NLGN4X: variants seen among roughly 807,000 people sequenced by gnomAD.
NLGN4X encodes neuroligin 4 X-linked, also known as neuroligin-4, X-linked.
A neutral mutation model predicts 40.3 loss-of-function variants in NLGN4X; 3 were observed. That is an observed-to-expected ratio of 0.07 (90% CI 0.03 to 0.19). The LOEUF (loss-of-function observed/expected upper bound fraction) is 0.19. Among genes scored for constraint, NLGN4X ranks in the 10% least tolerant of loss-of-function variants. The pLI is 1.00. For missense variants in NLGN4X, 382 were observed against 708.3 expected (o/e 0.54, Z 5.23); for synonymous variants, 270 against 306.8 (o/e 0.88, Z 1.25).
intron 2 of NLGN4X, among the ~76,000 whole-genome samples, chrX:6,061,036 T>G (rs1264165315): frequency 8.9e-6 from 1 of 112,258 alleles, no homozygotes; most frequent in African/African-American, 3.2e-5. Flanking sequence ...TTGACTTGCT[T>G]TGGCAGATGA....
chrX:6,010,817 G>C (rs1344860939), intron 3 of NLGN4X, among the ~76,000 whole-genome samples: 1 of 110,889 alleles, frequency 9.0e-6, no homozygotes, highest in African/African-American at 3.3e-5. Flanking sequence ...GTGAGTCACT[G>C]TGCCCAGCCT....
intron 1 of NLGN4X, among the ~76,000 whole-genome samples, chrX:6,161,816 G>A (rs973836765): frequency 9.1e-6 from 1 of 110,464 alleles, no homozygotes; most frequent in Admixed American, 9.9e-5. Flanking sequence ...CAAATAATTA[G>A]TTTGGATATA....
chrX:6,076,129 C>A (rs1303553926), intron 2 of NLGN4X, among the ~76,000 whole-genome samples: 1 of 112,061 alleles, frequency 8.9e-6, no homozygotes, highest in Non-Finnish European at 1.9e-5. Flanking sequence ...TGCTAAATCT[C>A]TGTATAGCTC....
chrX:6,216,317 C>A (rs1029896187), intron 1 of NLGN4X, among the ~76,000 whole-genome samples: 1 of 112,297 alleles, frequency 8.9e-6, no homozygotes, highest in East Asian at 2.8e-4. Context: ...CCGGGACTAG[C>A]AAGACCAACA....
At chrX:6,095,102 CGTGTGTGTGTGTGT>C (rs56285921) in intron 2 of NLGN4X, among the ~76,000 whole-genome samples, 2,645 of 88,200 alleles carry the variant, frequency 0.03, 43 homozygotes, top group African/African-American at 0.04. Context: ...TACGTGCGTG[CGTGTGTGTGTGTGT>C]GTGTGTGTGT....
At chrX:5,923,388 G>C (rs2033149054) in intron 3 of NLGN4X, among the ~76,000 whole-genome samples, 1 of 112,636 alleles carries the variant, frequency 8.9e-6, no homozygotes, top group Non-Finnish European at 1.9e-5. Context: ...CGATCTGCCT[G>C]CCTTGCCCTC....
chrX:6,108,501 CA>C (rs892226304), intron 2 of NLGN4X, among the ~76,000 whole-genome samples: 13 of 109,425 alleles, frequency 1.2e-4, no homozygotes, highest in Non-Finnish European at 2.5e-4. Context: ...CCTGTTTCTA[CA>C]AAAATAAATA....
intron 2 of NLGN4X, among the ~76,000 whole-genome samples, chrX:6,071,340 T>C (rs752828183): frequency 8.1e-5 from 9 of 111,690 alleles, no homozygotes; most frequent in Non-Finnish European, 1.5e-4. Context: ...TATTTTCATG[T>C]TCTAAATCAT....
intron 5 of NLGN4X, among the ~76,000 whole-genome samples, chrX:5,899,040 C>T (rs1171015041): frequency 1.8e-5 from 2 of 112,098 alleles, no homozygotes; most frequent in Non-Finnish European, 1.9e-5. Context: ...TGAAATTCCC[C>T]ATTTCCTTCT....
intron 2 of NLGN4X, among the ~76,000 whole-genome samples, chrX:6,086,976 T>C (rs981847960): frequency 1.8e-5 from 2 of 111,676 alleles, no homozygotes; most frequent in Non-Finnish European, 3.8e-5. Context: ...GCAGATACTG[T>C]CTCATCAGCT....
chrX:6,151,859 ATCTC>A (rs1164612956), intron 1 of NLGN4X, 88 bp from the exon 2 acceptor site: 1 of 228,778 alleles, frequency 4.4e-6, no homozygotes, highest in Non-Finnish European at 7.9e-6. Context: ...AATCCACAAC[ATCTC>A]TCTATGAAAT....
intron 1 of NLGN4X, among the ~76,000 whole-genome samples, chrX:6,212,898 C>G (rs1179141591): frequency 2.7e-5 from 3 of 111,911 alleles, no homozygotes; most frequent in Non-Finnish European, 5.6e-5. Context: ...TCTAAAATAT[C>G]CATGTGTCCA....
At chrX:6,115,326 G>C (rs993080262) in intron 2 of NLGN4X, among the ~76,000 whole-genome samples, 1 of 111,682 alleles carries the variant, frequency 9.0e-6, no homozygotes, top group African/African-American at 3.3e-5. Flanking sequence ...TTGTGCCTTG[G>C]GAATATAGGA....
chrX:6,064,345 G>T (rs1410424761), intron 2 of NLGN4X, among the ~76,000 whole-genome samples: 2 of 111,742 alleles, frequency 1.8e-5, no homozygotes, highest in African/African-American at 6.5e-5. Context: ...TTTCACAGAT[G>T]GACACATGAC....
intron 3 of NLGN4X, among the ~76,000 whole-genome samples, chrX:5,972,184 CATGT>C (rs750165169): frequency 1.6e-4 from 18 of 110,524 alleles, no homozygotes; most frequent in Non-Finnish European, 2.5e-4. Flanking sequence ...TGCATGCATG[CATGT>C]GTGTTTGTGT....
At chrX:5,907,606 G>A (rs1254139427) in intron 4 of NLGN4X, among the ~76,000 whole-genome samples, 1 of 111,549 alleles carries the variant, frequency 9.0e-6, no homozygotes, top group East Asian at 2.8e-4. Flanking sequence ...ATGTGTTTTT[G>A]TGGTTTCCTC....
intron 2 of NLGN4X, among the ~76,000 whole-genome samples, chrX:6,043,273 T>C (rs1297918112): frequency 9.1e-6 from 1 of 109,659 alleles, no homozygotes; most frequent in Non-Finnish European, 1.9e-5. Flanking sequence ...TCAATTTTAT[T>C]TTCAATGTGA....
At chrX:6,184,044 ATATCT>A (rs773181773) in intron 1 of NLGN4X, among the ~76,000 whole-genome samples, 1 of 112,584 alleles carries the variant, frequency 8.9e-6, no homozygotes, top group African/African-American at 3.2e-5. Context: ...ACAACCTATG[ATATCT>A]TATCAAAAGA....
intron 3 of NLGN4X, among the ~76,000 whole-genome samples, chrX:5,980,919 T>A (rs2035368728): frequency 8.9e-6 from 1 of 112,107 alleles, no homozygotes; most frequent in Non-Finnish European, 1.9e-5. Context: ...TTTATCTTGT[T>A]AATTTATGTA....
Sources: gnomAD v4.1 joint callset for allele counts (sites outside exome capture counted in the v4.1 genomes callset) on GRCh38, gnomAD v4.1.1 for gene constraint, MANE v1.5 for transcripts, NCBI Gene and HGNC (gene_info 2026-07-23, HGNC 2026-07-21) for gene names.